BCL2: variants seen among roughly 807,000 people sequenced by gnomAD.
BCL2 encodes the protein apoptosis regulator Bcl-2.
BCL2 carries 1 observed loss-of-function variant against 14.2 expected under a neutral mutation model. That is an observed-to-expected ratio of 0.07 (90% CI 0.02 to 0.33). BCL2 has a LOEUF of 0.33. Ranked by LOEUF, BCL2 falls within the 10% of genes least tolerant of loss-of-function variation. BCL2 has a pLI of 0.99. For missense variants in BCL2, 247 were observed against 305.9 expected (o/e 0.81, Z 1.44); for synonymous variants, 151 against 137.2 (o/e 1.10, Z -0.70).
intron 2 of BCL2, among the ~76,000 whole-genome samples, chr18:63,146,745 T>A (rs1294447601): frequency 6.6e-6 from 1 of 152,206 alleles, no homozygotes; most frequent in Non-Finnish European, 1.5e-5. Flanking sequence ...CCTAACCTAC[T>A]GAAACACCCC....
Position 63,187,810 on chromosome 18 carries a change from A to C in BCL2, c.586-59051T>G, listed in dbSNP as rs556640254. Among the ~76,000 whole-genome samples, 16 of 152,364 alleles carry C rather than the reference A, an allele frequency of 1.1e-4. No individual in the cohort carries two copies. The South Asian group carries it at 3.1e-3, about 30-fold the overall frequency. ...GGCTTAGAATTAGTTCGACTAATAC[A>C]GATTACGTTACTTGAATGTTTTCAA... is the stretch of plus-strand genomic sequence containing the variant. On this transcript the variant is annotated intron_variant, in intron 2 of 2. Transcript: ENST00000333681.
chr18:63,301,294 T>A (rs1312087718), intron 2 of BCL2, among the ~76,000 whole-genome samples: 1 of 139,932 alleles, frequency 7.1e-6, no homozygotes, highest in African/African-American at 2.4e-5. Flanking sequence ...TGGAAACAGA[T>A]GTCAGTAATG....
intron 2 of BCL2, among the ~76,000 whole-genome samples, chr18:63,309,047 A>C (rs770619936): frequency 6.6e-6 from 1 of 152,212 alleles, no homozygotes; most frequent in Non-Finnish European, 1.5e-5. Flanking sequence ...AATTTGACTC[A>C]AGTTGAAGTA....
At position 63,128,531 on chromosome 18, in the gene BCL2, C is replaced by G. The variant is rs1162516604; in HGVS notation, c.*94G>C. ...GTGTTATTTTTTCTTAAACAGCCTG[C>G]AGCTTTGTTTCATGGTACATCACTG... is the stretch of plus-strand genomic sequence containing the variant. On this transcript the variant is annotated 3_prime_UTR_variant, in exon 3 of 3. Transcript: ENST00000333681. The G allele has an allele frequency of 3.8e-5, 27 of 701,934 alleles. No homozygotes were observed. Among genetic ancestry groups the G allele is most frequent in the Non-Finnish European group, 7.2e-5 (27 of 376,400 alleles). The allele number at this position is 701,934 out of a possible 1,614,324, so 43.5% of individuals were successfully genotyped here.
chr18:63,217,714 A>T (rs978550419), intron 2 of BCL2, among the ~76,000 whole-genome samples: 1 of 152,218 alleles, frequency 6.6e-6, no homozygotes, highest in Non-Finnish European at 1.5e-5. Flanking sequence ...TGGCTTTATC[A>T]GTGTTGAGCC....
chr18:63,250,044 C>G (rs1331123952), intron 2 of BCL2, among the ~76,000 whole-genome samples: 5 of 152,158 alleles, frequency 3.3e-5, no homozygotes, highest in South Asian at 2.1e-4. Flanking sequence ...CAAGACCACA[C>G]AGTAAGCAAG....
chr18:63,240,861 C>G (rs1324184963), intron 2 of BCL2, among the ~76,000 whole-genome samples: 4 of 152,240 alleles, frequency 2.6e-5, no homozygotes, highest in African/African-American at 9.6e-5. Context: ...AAATTAGAGA[C>G]TGATGTACTT....
rs1913637772 is a variant in BCL2 at position 63,319,729 on chromosome 18, G to A, written c.-842C>T. ...AGGACGCGCCTGGCCCGCCGGTGCC[G>A]AGCGCTAGAAGCCCGCGCTGTGTGT... is the stretch of plus-strand genomic sequence containing the variant. On this transcript the variant is annotated 5_prime_UTR_variant, in exon 1 of 3. Coordinates refer to ENST00000333681, the MANE Select transcript of BCL2 (RefSeq NM_000633.3). The A allele has an allele frequency of 4.8e-6, 1 of 209,968 alleles. No homozygotes were observed. The highest frequency in any genetic ancestry group is 2.3e-5 in the African/African-American group (1 of 44,086). 13.0% of individuals were successfully genotyped at this position (209,968 alleles called of 1,614,324 possible).
intron 2 of BCL2, among the ~76,000 whole-genome samples, chr18:63,257,930 G>A (rs1911530950): frequency 6.6e-6 from 1 of 152,232 alleles, no homozygotes; most frequent in South Asian, 2.1e-4. Context: ...GTAGTGTTAT[G>A]GGTCGAATTA....
chr18:63,287,571 T>A (rs185676120), intron 2 of BCL2, among the ~76,000 whole-genome samples: 13 of 152,204 alleles, frequency 8.5e-5, no homozygotes, highest in African/African-American at 3.1e-4. Context: ...TGTATACTGA[T>A]TAGAGTAGTG....
intron 2 of BCL2, among the ~76,000 whole-genome samples, chr18:63,271,636 T>C (rs751882319): frequency 7.2e-5 from 11 of 152,218 alleles, no homozygotes; most frequent in African/African-American, 9.6e-5. Flanking sequence ...TCCCACTTTC[T>C]GTATTTGCAA....
intron 2 of BCL2, among the ~76,000 whole-genome samples, chr18:63,306,001 G>A (rs1438244977): frequency 6.6e-6 from 1 of 152,138 alleles, no homozygotes; most frequent in Non-Finnish European, 1.5e-5. Flanking sequence ...CTTGAGCCCC[G>A]GAGTTCGAGG....
chr18:63,219,451 CTTTTTTTTTTT>C (rs11289698), intron 2 of BCL2, among the ~76,000 whole-genome samples: 1 of 109,794 alleles, frequency 9.1e-6, no homozygotes, highest in Admixed American at 9.7e-5. Flanking sequence ...CACAGCAGAA[CTTTTTTTTTTT>C]TTTTTTTTTT....
At chr18:63,148,004 C>G (rs1292067780) in intron 2 of BCL2, among the ~76,000 whole-genome samples, 1 of 152,130 alleles carries the variant, frequency 6.6e-6, no homozygotes, top group Non-Finnish European at 1.5e-5. Flanking sequence ...CGACCCCTCC[C>G]TGCTTGGAAA....
chr18:63,185,846 T>A (rs1017482313), intron 2 of BCL2, among the ~76,000 whole-genome samples: 43 of 152,240 alleles, frequency 2.8e-4, no homozygotes, highest in Non-Finnish European at 3.4e-4. Context: ...CCAGGCAATC[T>A]GGGTCCTGAG....
chr18:63,147,858 C>A (rs914841666), intron 2 of BCL2, among the ~76,000 whole-genome samples: 1 of 152,160 alleles, frequency 6.6e-6, no homozygotes, highest in Non-Finnish European at 1.5e-5. Context: ...GCAATGGAAC[C>A]ATACATCACT....
chr18:63,300,190 G>T (rs886133575), intron 2 of BCL2, among the ~76,000 whole-genome samples: 16 of 152,168 alleles, frequency 1.1e-4, no homozygotes, highest in Admixed American at 5.9e-4. Context: ...TAATTTAGAT[G>T]CAGTAAGACA....
At chr18:63,214,447 G>A (rs1910141700) in intron 2 of BCL2, among the ~76,000 whole-genome samples, 1 of 152,132 alleles carries the variant, frequency 6.6e-6, no homozygotes, top group Admixed American at 6.5e-5. Flanking sequence ...CACATTCATG[G>A]GAACTTGAAG....
At chr18:63,198,304 AGACACACACT>A (rs1176707450) in intron 2 of BCL2, among the ~76,000 whole-genome samples, 1 of 151,608 alleles carries the variant, frequency 6.6e-6, no homozygotes, top group Non-Finnish European at 1.5e-5. Flanking sequence ...AGACACACAC[AGACACACACT>A]GACACAGACA....
Sources: allele counts gnomAD v4.1 joint callset (sites outside exome capture counted in the v4.1 genomes callset), GRCh38; gene constraint gnomAD v4.1.1; transcripts MANE v1.5; gene names NCBI Gene and HGNC (gene_info 2026-07-23, HGNC 2026-07-21).